The following HUWE1 variants were observed in gnomAD, a reference collection of about 807,000 sequenced individuals.
The protein encoded by HUWE1 is HECT, UBA and WWE domain containing E3 ubiquitin protein ligase 1.
A neutral mutation model predicts 299.4 loss-of-function variants in HUWE1; 18 were observed. The ratio of observed to expected loss-of-function variants is 0.06; its 90% CI spans 0.04 to 0.09. HUWE1 has a LOEUF of 0.09. HUWE1 is among the 10% of genes least tolerant of loss of function. HUWE1 has a pLI of 1.00. For missense variants in HUWE1, 1,832 were observed against 3,462.3 expected (o/e 0.53, Z 11.82); for synonymous variants, 1,317 against 1,286.1 (o/e 1.02, Z -0.51).
intron 19 of HUWE1, 142 bp downstream of exon 19, chrX:53,624,453 C>A (rs782151203): frequency 2.0e-6 from 1 of 509,950 alleles, no homozygotes; most frequent in East Asian, 3.7e-5. Flanking sequence ...GCCAAGATTG[C>A]GCCACTACAC....
intron 41 of HUWE1, 56 bp from the exon 42 acceptor site, chrX:53,583,972 C>T (rs956520249): frequency 9.2e-6 from 9 of 973,029 alleles, no homozygotes; most frequent in Non-Finnish European, 1.3e-5. Context: ...TTATTTCCTC[C>T]CACGCCTCCC....
At chrX:53,582,531 T>C (rs1454173934) in intron 42 of HUWE1, among the ~76,000 whole-genome samples, 1 of 112,375 alleles carries the variant, frequency 8.9e-6, no homozygotes, top group Non-Finnish European at 1.9e-5. Flanking sequence ...TTACTAAAAA[T>C]CTCTAAGTAA....
At chrX:53,640,155 T>TG (rs1464341063) in intron 7 of HUWE1, among the ~76,000 whole-genome samples, 2 of 112,399 alleles carry the variant, frequency 1.8e-5, no homozygotes, top group Non-Finnish European at 3.8e-5. Context: ...GCTCAGGAGT[T>TG]GGAGACCAGC....
At chrX:53,553,903 A>G (rs1035184952) in intron 61 of HUWE1, among the ~76,000 whole-genome samples, 3 of 111,905 alleles carry the variant, frequency 2.7e-5, no homozygotes, top group African/African-American at 9.7e-5. Flanking sequence ...AGAACTTCAC[A>G]AGCAAGATGG....
chrX:53,620,593 G>C (rs2066085304), intron 19 of HUWE1, among the ~76,000 whole-genome samples: 1 of 111,673 alleles, frequency 9.0e-6, no homozygotes, highest in Non-Finnish European at 1.9e-5. Context: ...AGGCATAATG[G>C]CTTGTTCAAT....
At chrX:53,579,390 G>T (rs1302784037) in intron 43 of HUWE1, among the ~76,000 whole-genome samples, 1 of 110,577 alleles carries the variant, frequency 9.0e-6, no homozygotes, top group Non-Finnish European at 1.9e-5. Context: ...CTGCCCGGCC[G>T]CCCCTACTGG....
In HUWE1 at chrX:53,595,285, C is replaced by T. The variant is rs782591647; in HGVS notation, c.3282G>A (p.Pro1094=). 7 of 1,208,789 alleles carry T rather than the reference C, an allele frequency of 5.8e-6. No individual in the cohort carries two copies. The highest frequency in any genetic ancestry group is 4.4e-5 in the Admixed American group (2 of 45,591). The stretch of plus-strand genomic sequence containing the variant: ...AGGCTGTTGATCGCGCGGCAGGTGT[C>T]GGTGCTGTAGTGGTGCTGGCAGCAT... ...SHHAASTTTA[P]TPAARSTASA... Residue 1094 remains proline, a synonymous_variant, in exon 30 of 84, where the codon CCG becomes CCA. Coordinates refer to ENST00000262854, the MANE Select transcript of HUWE1 (RefSeq NM_031407.7).
chrX:53,565,626 A>G (rs1300161447), intron 49 of HUWE1, among the ~76,000 whole-genome samples: 6 of 109,967 alleles, frequency 5.5e-5, no homozygotes, highest in Middle Eastern at 4.7e-3. Context: ...GGAACATGAT[A>G]AAAGTTTTCC....
chrX:53,561,634 G>A (rs1245107398), intron 55 of HUWE1, 122 bp downstream of exon 55: 14 of 1,003,809 alleles, frequency 1.4e-5, no homozygotes, highest in East Asian at 3.2e-5. Context: ...CTTGCCCCAG[G>A]AAGTCAGCAT....
intron 74 of HUWE1, among the ~76,000 whole-genome samples, chrX:53,541,271 T>C (rs1483431261): frequency 9.0e-6 from 1 of 111,586 alleles, no homozygotes; most frequent in African/African-American, 3.3e-5. Flanking sequence ...AAGCAGTAAA[T>C]GGGGGAGCCA....
At chrX:53,684,180 C>A in intron 2 of HUWE1, 1 of 246,274 alleles carries the variant, frequency 4.1e-6, no homozygotes. Context: ...GCCAACCTAC[C>A]ACGGCCGGCT....
intron 44 of HUWE1, among the ~76,000 whole-genome samples, 154 bp downstream of exon 44, chrX:53,576,746 T>C (rs1184525274): frequency 2.7e-5 from 3 of 112,351 alleles, no homozygotes; most frequent in Non-Finnish European, 5.6e-5. Context: ...ACTATTAGCT[T>C]CTTCACAGAC....
At chrX:53,661,816 C>T (rs1557045659) in intron 3 of HUWE1, among the ~76,000 whole-genome samples, 3 of 111,417 alleles carry the variant, frequency 2.7e-5, no homozygotes, top group Admixed American at 1.9e-4. Flanking sequence ...TTTTTCACTT[C>T]CTTATTCCCC....
chrX:53,635,011 T>C (rs993159319), intron 7 of HUWE1, among the ~76,000 whole-genome samples: 2 of 111,359 alleles, frequency 1.8e-5, no homozygotes, highest in Admixed American at 9.5e-5. Flanking sequence ...AAATCATTCA[T>C]AATTATTTTA....
In HUWE1 at chrX:53,565,129, T is replaced by C. The variant is rs1556944488; in HGVS notation, c.6818A>G (p.Asn2273Ser). The change falls in exon 50 of 84, where the codon AAC (asparagine) becomes AGC (serine). Residue 2273 changes from asparagine to serine, a missense_variant. Asn to Ser is a conservative substitution (Grantham distance 46). Transcript: ENST00000262854. ...LFGSKSASSK[N>S]KSEQDAQGAS... ...TCCTTGGGCATCCTGCTCAGACTTG[T>C]TCTTGCTAGAAGCACTCTTGCTGCC... The C allele has an allele frequency of 4.1e-6, 5 of 1,210,140 alleles. No homozygotes were observed. In the East Asian group the frequency reaches 8.9e-5, roughly 21 times the overall value.
Position 53,645,404 on chromosome X carries a change from G to C in HUWE1, c.411C>G (p.Leu137=), listed in dbSNP as rs138967897. The C allele has an allele frequency of 2.1e-4, 257 of 1,206,819 alleles. No individual in the cohort carries two copies. The Admixed American group carries it at 5.5e-3, about 26-fold the overall frequency. ...DMQVVLAVLN[L]LYVFSKRSNY... ...TTGATCTTTTGCTAAATACATATAG[G>C]AGATTGAGGACTGCCAGCACCACTT... Residue 137 remains leucine, a synonymous_variant, in exon 7 of 84, where the codon CTC becomes CTG. Transcript: ENST00000262854.
At chrX:53,672,160 G>T (rs1244809097) in intron 3 of HUWE1, among the ~76,000 whole-genome samples, 1 of 110,813 alleles carries the variant, frequency 9.0e-6, no homozygotes, top group Non-Finnish European at 1.9e-5. Flanking sequence ...GACAGTTTGG[G>T]GACAACTGAG....
intron 78 of HUWE1, 65 bp from the exon 79 acceptor site, chrX:53,536,732 TGTGA>T (rs1358161629): frequency 5.7e-5 from 56 of 978,557 alleles, no homozygotes; most frequent in Non-Finnish European, 7.6e-5. Context: ...CAGTCATTTG[TGTGA>T]GTGAGAGACT....
chrX:53,682,443 G>A (rs1452355098), intron 2 of HUWE1, among the ~76,000 whole-genome samples: 2 of 111,290 alleles, frequency 1.8e-5, no homozygotes, highest in African/African-American at 3.3e-5. Flanking sequence ...AAACAATGCT[G>A]AACATGTAAT....
Sources: gnomAD v4.1 joint callset for allele counts (sites outside exome capture counted in the v4.1 genomes callset) on GRCh38, gnomAD v4.1.1 for gene constraint, MANE v1.5 for transcripts, NCBI Gene and HGNC (gene_info 2026-07-23, HGNC 2026-07-21) for gene names.